GLIS3: variants seen among roughly 807,000 people sequenced by gnomAD.
The protein encoded by GLIS3 is zinc finger protein GLIS3.
Under a neutral mutation model 78.6 loss-of-function variants are expected in GLIS3, and 53 were observed. The observed-to-expected ratio is 0.67, with a 90% CI of 0.54 to 0.85. The LOEUF is 0.85. Ranked by LOEUF, GLIS3 falls within the 40% of genes least tolerant of loss-of-function variation. The pLI is 0.00. For missense variants in GLIS3, 1,703 were observed against 1,231.1 expected (o/e 1.38, Z -5.74); for synonymous variants, 684 against 509.9 (o/e 1.34, Z -4.60).
At chr9:3,841,738 G>T (rs1168018309) in intron 9 of GLIS3, among the ~76,000 whole-genome samples, 1 of 152,214 alleles carries the variant, frequency 6.6e-6, no homozygotes, top group Non-Finnish European at 1.5e-5. Flanking sequence ...CTGGTTGCTA[G>T]TATATATGTA....
intron 2 of GLIS3, among the ~76,000 whole-genome samples, chr9:4,185,468 GA>G (rs970036303): frequency 2.0e-5 from 3 of 152,024 alleles, no homozygotes; most frequent in African/African-American, 7.2e-5. Flanking sequence ...TTTGTAGGGA[GA>G]AAAAAGTGGT....
the GLIS3 span, among the ~76,000 whole-genome samples, chr9:4,391,438 C>T: frequency 6.6e-6 from 1 of 152,040 alleles, no homozygotes; most frequent in Non-Finnish European, 1.5e-5. Context: ...TTTTCTGAGC[C>T]TGTTTTCATT....
the GLIS3 span, among the ~76,000 whole-genome samples, chr9:4,443,905 ACTACAATT>A: frequency 6.6e-6 from 1 of 152,224 alleles, no homozygotes; most frequent in African/African-American, 2.4e-5. Context: ...TCAGGTTGAC[ACTACAATT>A]CCACTGTGTG....
At chr9:4,127,399 AAC>A (rs765580024) in intron 2 of GLIS3, among the ~76,000 whole-genome samples, 76 of 152,246 alleles carry the variant, frequency 5.0e-4, no homozygotes, top group Admixed American at 1.2e-3. Flanking sequence ...CAGATACATA[AAC>A]CAGAACCTCT....
At chr9:4,334,644 T>A (rs2130572330) in intron 2 of GLIS3, among the ~76,000 whole-genome samples, 1 of 152,320 alleles carries the variant, frequency 6.6e-6, no homozygotes, top group East Asian at 1.9e-4. Flanking sequence ...GCACTGGGCC[T>A]GTTCAGCCAC....
At chr9:3,932,558 G>T in intron 5 of GLIS3, 88 bp from the exon 6 acceptor site, 2 of 939,422 alleles carry the variant, frequency 2.1e-6, no homozygotes, top group South Asian at 1.3e-5. Flanking sequence ...TGACTTCAGA[G>T]CATGAACTGT....
intron 9 of GLIS3, among the ~76,000 whole-genome samples, chr9:3,843,962 T>A (rs1818883079): frequency 6.6e-6 from 1 of 152,234 alleles, no homozygotes; most frequent in Non-Finnish European, 1.5e-5. Flanking sequence ...GGCCTAGTTC[T>A]CAAAGACCTC....
At chr9:4,359,717 TA>T in the GLIS3 span, among the ~76,000 whole-genome samples, 1 of 152,318 alleles carries the variant, frequency 6.6e-6, no homozygotes, top group Non-Finnish European at 1.5e-5. Context: ...GGGAGTACAA[TA>T]AACAGACATT....
chr9:4,147,524 G>A, intron 2 of GLIS3: 1 of 152,328 alleles, frequency 6.6e-6, no homozygotes. Context: ...AGAGTACTTG[G>A]CATACATTTC....
chr9:3,904,129 G>A (rs1395542894), intron 6 of GLIS3, among the ~76,000 whole-genome samples: 1 of 152,182 alleles, frequency 6.6e-6, no homozygotes, highest in East Asian at 1.9e-4. Flanking sequence ...GTGCTGGTTA[G>A]TTTTAGGTGT....
chr9:4,085,042 T>C (rs1237593779), intron 4 of GLIS3, among the ~76,000 whole-genome samples: 2 of 151,906 alleles, frequency 1.3e-5, no homozygotes, highest in Non-Finnish European at 2.9e-5. Context: ...CTTGTTAGTG[T>C]TTATACATAA....
At chr9:4,393,234 A>G in the GLIS3 span, among the ~76,000 whole-genome samples, 7 of 152,068 alleles carry the variant, frequency 4.6e-5, no homozygotes, top group Admixed American at 4.6e-4. Flanking sequence ...CTACATACAC[A>G]TTTCTATTTC....
chr9:4,144,184 G>A (rs1289061764), intron 2 of GLIS3, among the ~76,000 whole-genome samples: 2 of 152,102 alleles, frequency 1.3e-5, no homozygotes, highest in African/African-American at 2.4e-5. Flanking sequence ...CACAGCGCAA[G>A]GAATGCTACT....
chr9:4,036,555 C>G (rs1391286068), intron 4 of GLIS3, among the ~76,000 whole-genome samples: 1 of 152,060 alleles, frequency 6.6e-6, no homozygotes, highest in Non-Finnish European at 1.5e-5. Context: ...AGACTCAAAC[C>G]AGAAAACAGT....
At chr9:4,459,257 T>C in the GLIS3 span, among the ~76,000 whole-genome samples, 10 of 152,172 alleles carry the variant, frequency 6.6e-5, no homozygotes, top group African/African-American at 2.4e-4. Flanking sequence ...CATTATATGC[T>C]GAAGTACTGG....
intron 2 of GLIS3, among the ~76,000 whole-genome samples, chr9:4,188,416 T>C (rs915706944): frequency 9.4e-5 from 14 of 149,210 alleles, no homozygotes; most frequent in Middle Eastern, 6.8e-3. Flanking sequence ...TATTGAGGAT[T>C]TTTGCATCAA....
At chr9:4,227,743 A>G (rs1821899883) in intron 2 of GLIS3, among the ~76,000 whole-genome samples, 1 of 152,264 alleles carries the variant, frequency 6.6e-6, no homozygotes, top group African/African-American at 2.4e-5. Flanking sequence ...CACTGCATAA[A>G]GTCAGGTGAA....
intron 9 of GLIS3, among the ~76,000 whole-genome samples, chr9:3,847,077 G>A (rs944362433): frequency 8.5e-5 from 13 of 152,252 alleles, no homozygotes; most frequent in Non-Finnish European, 1.0e-4. Context: ...TCAGGTACTC[G>A]GGAGGCTGAA....
the GLIS3 span, among the ~76,000 whole-genome samples, chr9:4,400,415 T>C: frequency 2.0e-5 from 3 of 152,224 alleles, no homozygotes; most frequent in Admixed American, 1.3e-4. Context: ...ACTTCTTAAA[T>C]TATTTTGAGC....
Sources: allele counts gnomAD v4.1 joint callset (sites outside exome capture counted in the v4.1 genomes callset), GRCh38; gene constraint gnomAD v4.1.1; transcripts MANE v1.5; gene names NCBI Gene and HGNC (gene_info 2026-07-23, HGNC 2026-07-21).